The following MAGI2 variants were observed in gnomAD, a reference collection of about 807,000 sequenced individuals.
The protein encoded by MAGI2 is membrane-associated guanylate kinase, WW and PDZ domain-containing protein 2.
In MAGI2, 35 loss-of-function variants were observed where a neutral mutation model predicts 133.3. The observed-to-expected ratio is 0.26, with a 90% CI of 0.20 to 0.35. MAGI2 has a LOEUF of 0.35. MAGI2 is among the 10% of genes least tolerant of loss of function. The pLI is 1.00. For synonymous variants in MAGI2, 729 were observed against 710.6 expected (o/e 1.03, Z -0.41); for missense variants, 1,636 against 1,863.4 (o/e 0.88, Z 2.25).
intron 2 of MAGI2, among the ~76,000 whole-genome samples, chr7:78,931,272 A>T (rs1034236347): frequency 3.3e-5 from 5 of 151,972 alleles, no homozygotes; most frequent in South Asian, 2.1e-4. Context: ...ATTTTTTTTT[A>T]AAAGGGATGG....
At chr7:79,266,840 A>G (rs868524564) in intron 1 of MAGI2, among the ~76,000 whole-genome samples, 78 of 152,282 alleles carry the variant, frequency 5.1e-4, no homozygotes, top group African/African-American at 1.7e-3. Flanking sequence ...GCCAGAGTCA[A>G]ACAATGCTTT....
chr7:79,247,624 C>G (rs1483543531), intron 1 of MAGI2, among the ~76,000 whole-genome samples: 1 of 151,968 alleles, frequency 6.6e-6, no homozygotes, highest in Non-Finnish European at 1.5e-5. Context: ...AATACTACTA[C>G]TACTACTACT....
rs1248899433 is a variant in MAGI2, at chr7:78,573,333, AAT to A, written c.539-51690_539-51689del. Among the ~76,000 whole-genome samples the A allele has an allele frequency of 5.5e-4, 31 of 56,580 alleles. 1 individual carries two copies. Among genetic ancestry groups the A allele is most frequent in the Non-Finnish European group, 8.4e-4 (29 of 34,698 alleles). 37.1% of individuals were successfully genotyped at this position (56,580 alleles called of 152,430 possible). A position where few individuals can be genotyped will look rare whatever the true frequency, so the allele number is the denominator to read the frequency against. On this transcript the variant is annotated intron_variant, in intron 3 of 21. Transcript: ENST00000354212. The stretch of plus-strand genomic sequence containing the variant: ...ATATAAATATATAAATATATATATA[AAT>A]ATATATATATAGAGAGAGAGAATCC...
At chr7:79,173,524 G>T (rs116650718) in intron 1 of MAGI2, among the ~76,000 whole-genome samples, 1,840 of 151,910 alleles carry the variant, frequency 0.012, 35 homozygotes, top group African/African-American at 0.042. Flanking sequence ...CAGAGATGGG[G>T]TCTCACTTTG....
At chr7:78,690,179 C>T (rs1295280069) in intron 2 of MAGI2, among the ~76,000 whole-genome samples, 1 of 152,100 alleles carries the variant, frequency 6.6e-6, no homozygotes, top group African/African-American at 2.4e-5. Flanking sequence ...TAATTCTTGA[C>T]AAAATTCTAT....
intron 4 of MAGI2, among the ~76,000 whole-genome samples, chr7:78,517,391 T>G: frequency 6.6e-6 from 1 of 152,142 alleles, no homozygotes; most frequent in East Asian, 1.9e-4. Flanking sequence ...GTCTTTGGCA[T>G]GGTTAACAGT....
intron 3 of MAGI2, among the ~76,000 whole-genome samples, chr7:78,569,297 T>C (rs997600323): frequency 3.9e-5 from 6 of 152,224 alleles, no homozygotes; most frequent in African/African-American, 1.4e-4. Flanking sequence ...TTCTGTTCTG[T>C]TAAAACATAT....
intron 2 of MAGI2, among the ~76,000 whole-genome samples, chr7:78,708,998 C>T (rs1440506125): frequency 1.3e-5 from 2 of 152,108 alleles, no homozygotes; most frequent in Non-Finnish European, 2.9e-5. Context: ...CCGCTATTAG[C>T]CCACTAGCTA....
intron 7 of MAGI2, among the ~76,000 whole-genome samples, chr7:78,364,178 T>C (rs55954607): frequency 1.3e-4 from 20 of 152,348 alleles, no homozygotes; most frequent in African/African-American, 4.6e-4. Flanking sequence ...GTTTATAAGA[T>C]TTAGAGCTTT....
intron 9 of MAGI2, among the ~76,000 whole-genome samples, chr7:78,266,770 G>A (rs10234880): frequency 0.1 from 15,549 of 151,404 alleles, 958 homozygotes; most frequent in African/African-American, 0.17. Flanking sequence ...AGTAGAGACG[G>A]GGTTTCACCA....
chr7:79,173,436 C>T (rs994345275), intron 1 of MAGI2, among the ~76,000 whole-genome samples: 2 of 152,052 alleles, frequency 1.3e-5, no homozygotes, highest in African/African-American at 2.4e-5. Flanking sequence ...AGTGATCCTT[C>T]CACTTCATCC....
intron 1 of MAGI2, among the ~76,000 whole-genome samples, chr7:79,232,317 T>A (rs1831444582): frequency 7.0e-6 from 1 of 143,844 alleles, no homozygotes; most frequent in Admixed American, 7.0e-5. Flanking sequence ...TAAAATGAGT[T>A]AGGGAGGATT....
intron 9 of MAGI2, among the ~76,000 whole-genome samples, chr7:78,311,558 A>G (rs2691522): frequency 0.28 from 42,662 of 151,848 alleles, 6,210 homozygotes; most frequent in African/African-American, 0.33. Flanking sequence ...AGAGAATGAC[A>G]GTATAAAGAA....
At chr7:78,455,964 T>C (rs1789272451) in intron 6 of MAGI2, among the ~76,000 whole-genome samples, 1 of 142,436 alleles carries the variant, frequency 7.0e-6, no homozygotes, top group South Asian at 2.2e-4. Context: ...TGAACTACTT[T>C]AAAGAGACCC....
At chr7:79,419,145 CAA>C (rs1846757545) in intron 1 of MAGI2, among the ~76,000 whole-genome samples, 1 of 151,876 alleles carries the variant, frequency 6.6e-6, no homozygotes, top group African/African-American at 2.4e-5. Context: ...AAATGAATAA[CAA>C]TAATTCAATT....
intron 2 of MAGI2, among the ~76,000 whole-genome samples, chr7:78,865,566 T>G (rs779837557): frequency 7.9e-5 from 12 of 152,188 alleles, no homozygotes; most frequent in Non-Finnish European, 1.5e-4. Context: ...CTTGAAATTT[T>G]AACACAAGAA....
At chr7:78,108,339 C>G (rs773038856) in intron 20 of MAGI2, among the ~76,000 whole-genome samples, 2 of 152,098 alleles carry the variant, frequency 1.3e-5, no homozygotes, top group Non-Finnish European at 2.9e-5. Flanking sequence ...TGAGAAGATA[C>G]TTGATACAAT....
chr7:78,497,656 C>T (rs529047883), intron 5 of MAGI2, among the ~76,000 whole-genome samples: 19 of 152,102 alleles, frequency 1.2e-4, no homozygotes, highest in South Asian at 2.1e-4. Flanking sequence ...CTGTTTAATA[C>T]GTCTTTTAAA....
intron 10 of MAGI2, among the ~76,000 whole-genome samples, chr7:78,239,652 A>T (rs1004221397): frequency 1.3e-5 from 2 of 152,244 alleles, no homozygotes; most frequent in East Asian, 3.8e-4. Flanking sequence ...AAGTATATGG[A>T]AATTGCTCAA....
Sources: gnomAD v4.1 joint callset for allele counts (sites outside exome capture counted in the v4.1 genomes callset) on GRCh38, gnomAD v4.1.1 for gene constraint, MANE v1.5 for transcripts, NCBI Gene and HGNC (gene_info 2026-07-23, HGNC 2026-07-21) for gene names.